Variants in PIBF1 observed in about 807,000 individuals in gnomAD.
PIBF1 encodes progesterone-induced-blocking factor 1.
A neutral mutation model predicts 112.5 loss-of-function variants in PIBF1; 90 were observed. The observed-to-expected ratio is 0.80, with a 90% confidence interval of 0.67 to 0.95. The LOEUF (loss-of-function observed/expected upper bound fraction) is 0.95, where lower values mean the gene tolerates loss of function less well. PIBF1 is among the 40% of genes least tolerant of loss of function. The pLI is 0.00. For synonymous variants in PIBF1, 301 were observed against 288.6 expected, an observed-to-expected ratio of 1.04 and a Z score of -0.44; for missense variants, 915 against 852.3, an observed-to-expected ratio of 1.07 and a Z score of -0.92.
At position 73,015,931 on chromosome 13, in the gene PIBF1, G is replaced by A. The variant is rs746867132; in HGVS notation, c.*12G>A. On this transcript the variant is annotated 3_prime_UTR_variant, in exon 18 of 18. Coordinates refer to ENST00000326291, the MANE Select transcript of PIBF1 (RefSeq NM_006346.4). ...AGATGAAGACCTAGTGTTTTGGATG[G>A]GAAGCACCTGTAGACCATTATATAC... 6.4e-7 allele frequency: 1 copy of A among 1,569,552 alleles called. No individual in the cohort carries two copies. Among genetic ancestry groups the A allele is most frequent in the Non-Finnish European group, 8.7e-7 (1 of 1,150,858 alleles).
At position 72,839,858 on chromosome 13, in the gene PIBF1, G is replaced by A. The variant is rs146433394; in HGVS notation, c.1223+4490G>A. On this transcript the variant is annotated intron_variant, in intron 9 of 17. Transcript: ENST00000326291. Reference sequence around the variant, plus strand: ...GTTTCTGGAAGTAGGAAAACTGAAAGCAGATGTCCTTGTCTCCTTGTCTCC... The same window carrying A: ...GTTTCTGGAAGTAGGAAAACTGAAAACAGATGTCCTTGTCTCCTTGTCTCC... Among the ~76,000 whole-genome samples, 532 of 152,296 alleles carry A rather than the reference G, an allele frequency of 3.5e-3. 2 individuals are homozygous for A. Among genetic ancestry groups the A allele is most frequent in the African/African-American group, 0.012 (503 of 41,570 alleles).
intron 10 of PIBF1, among the ~76,000 whole-genome samples, chr13:72,874,458 G>A (rs1346476319): frequency 2.0e-5 from 3 of 152,136 alleles, no homozygotes; most frequent in Admixed American, 6.6e-5. Flanking sequence ...AAAGTTCTAT[G>A]TTGAAAGAAG....
chr13:72,846,244 A>C (rs1302051089), intron 9 of PIBF1, among the ~76,000 whole-genome samples: 1 of 152,130 alleles, frequency 6.6e-6, no homozygotes, highest in South Asian at 2.1e-4. Context: ...AGACAACTCT[A>C]TTCTTCCACT....
In PIBF1 at chr13:72,791,556, A is replaced by C. The variant is rs1041005414; in HGVS notation, c.253-891A>C. Among the ~76,000 whole-genome samples, 15 of 152,202 alleles carry C rather than the reference A, an allele frequency of 9.9e-5. 1 individual carries two copies. The highest frequency in any genetic ancestry group is 3.6e-4 in the African/African-American group (15 of 41,462). ...AAAGTAGTTGGCTAGATCAAGAAATACCACTGTATTATGCCACAGTGTTTA... is the reference window on the plus strand; with the variant it reads ...AAAGTAGTTGGCTAGATCAAGAAATCCCACTGTATTATGCCACAGTGTTTA... On this transcript the variant is annotated intron_variant, in intron 2 of 17. Coordinates refer to ENST00000326291, the MANE Select transcript of PIBF1 (RefSeq NM_006346.4).
chr13:72,950,845 C>T (rs953972412), intron 14 of PIBF1, among the ~76,000 whole-genome samples: 1 of 152,124 alleles, frequency 6.6e-6, no homozygotes, highest in African/African-American at 2.4e-5. Flanking sequence ...TCATTTAGAA[C>T]CTAACGGGTT....
At chr13:72,846,639 T>C (rs1353930129) in intron 9 of PIBF1, among the ~76,000 whole-genome samples, 3 of 152,194 alleles carry the variant, frequency 2.0e-5, no homozygotes, top group Non-Finnish European at 4.4e-5. Flanking sequence ...CTCCTGTTCT[T>C]TTACCTGTAG....
chr13:72,852,652 G>A (rs1245414758), intron 9 of PIBF1, among the ~76,000 whole-genome samples: 1 of 152,188 alleles, frequency 6.6e-6, no homozygotes, highest in Non-Finnish European at 1.5e-5. Flanking sequence ...TCCTGTGACA[G>A]CACCACCATG....
At chr13:72,931,718 G>GTATATATGTATATA (rs2041704180) in intron 14 of PIBF1, among the ~76,000 whole-genome samples, 1 of 101,978 alleles carries the variant, frequency 9.8e-6, no homozygotes, top group African/African-American at 3.5e-5. Context: ...TTTAAACTAC[G>GTATATATGTATATA]TATATATATA....
At chr13:72,931,414 G>A in intron 14 of PIBF1, 147 bp downstream of exon 14, 1 of 667,574 alleles carries the variant, frequency 1.5e-6, no homozygotes, top group Non-Finnish European at 2.6e-6. Context: ...GAATGTTAAG[G>A]CCATAAAAAA....
rs139052494 is a variant in PIBF1, at chr13:72,881,818, G to A, written c.1323-11966G>A. 2.6e-5 allele frequency among the ~76,000 whole-genome samples: 4 copies of A among 152,020 alleles called. No individual in the cohort carries two copies. The East Asian group carries it at 5.8e-4, about 22-fold the overall frequency. ...CAAAAGATGGAAAGATATATTCCAT[G>A]TTCATGGATTGGAAGAATCAATGTT... On this transcript the variant is annotated intron_variant, in intron 10 of 17. Transcript: ENST00000326291.
chr13:73,008,005 T>C (rs1487174235), intron 17 of PIBF1, among the ~76,000 whole-genome samples: 3 of 152,150 alleles, frequency 2.0e-5, no homozygotes, highest in Non-Finnish European at 4.4e-5. Context: ...AGAATATACA[T>C]TTTATGAAAA....
At chr13:72,960,749 T>C (rs2042581987) in intron 14 of PIBF1, among the ~76,000 whole-genome samples, 1 of 152,232 alleles carries the variant, frequency 6.6e-6, no homozygotes, top group African/African-American at 2.4e-5. Flanking sequence ...ATTGTTTGAT[T>C]TAATTGACTA....
chr13:73,007,809 CAAAA>C (rs34084112), intron 17 of PIBF1, among the ~76,000 whole-genome samples: 5 of 135,814 alleles, frequency 3.7e-5, no homozygotes, highest in Admixed American at 7.3e-5. Flanking sequence ...AACTCCATCT[CAAAA>C]AAAAAAAAAA....
intron 14 of PIBF1, among the ~76,000 whole-genome samples, chr13:72,955,476 A>G (rs1427147589): frequency 2.0e-5 from 3 of 152,172 alleles, no homozygotes; most frequent in Non-Finnish European, 4.4e-5. Flanking sequence ...TATTCTGTTT[A>G]TACGTCAAAC....
chr13:72,851,059 T>G (rs1368041758), intron 9 of PIBF1, among the ~76,000 whole-genome samples: 1 of 152,218 alleles, frequency 6.6e-6, no homozygotes, highest in East Asian at 1.9e-4. Context: ...TTGTTAATAT[T>G]GATGGCAGCA....
At chr13:72,981,208 T>C (rs546642671) in intron 16 of PIBF1, among the ~76,000 whole-genome samples, 1 of 151,572 alleles carries the variant, frequency 6.6e-6, no homozygotes, top group South Asian at 2.1e-4. Flanking sequence ...ACTGAGATCA[T>C]GCCACTGCAC....
At chr13:72,830,621 A>C (rs550302773) in intron 8 of PIBF1, among the ~76,000 whole-genome samples, 2 of 152,152 alleles carry the variant, frequency 1.3e-5, no homozygotes, top group Non-Finnish European at 2.9e-5. Flanking sequence ...CCTGGTATGA[A>C]GCCAACTTGA....
chr13:72,796,261 T>C (rs1243298342), intron 4 of PIBF1, among the ~76,000 whole-genome samples: 1 of 152,090 alleles, frequency 6.6e-6, no homozygotes, highest in East Asian at 1.9e-4. Flanking sequence ...AAAAAAATCT[T>C]AATAATTACT....
At chr13:72,856,400 G>A (rs1404993259) in intron 10 of PIBF1, among the ~76,000 whole-genome samples, 1 of 152,110 alleles carries the variant, frequency 6.6e-6, no homozygotes. Flanking sequence ...ATTCTTTGAA[G>A]TCATAGTAAA....
Sources: gnomAD v4.1 joint callset for allele counts (sites outside exome capture counted in the v4.1 genomes callset) on GRCh38, gnomAD v4.1.1 for gene constraint, MANE v1.5 for transcripts, NCBI Gene and HGNC (gene_info 2026-07-23, HGNC 2026-07-21) for gene names.